NBAS: variants seen among roughly 807,000 people sequenced by gnomAD.
NBAS encodes NBAS subunit of NRZ tethering complex.
NBAS carries 219 observed loss-of-function variants against 302.5 expected under a neutral mutation model. That is an observed-to-expected ratio of 0.72 (90% CI 0.65 to 0.81). The LOEUF (loss-of-function observed/expected upper bound fraction) is 0.81. Among genes scored for constraint, NBAS ranks in the 30% least tolerant of loss-of-function variants. The probability of loss-of-function intolerance (pLI) is 0.00; values close to 1 mark genes in which losing one functional copy is unlikely to be tolerated. For synonymous variants in NBAS, 1,118 were observed against 1,021.6 expected, an observed-to-expected ratio of 1.09 and a Z score of -1.80; for missense variants, 2,932 against 2,841.6, an observed-to-expected ratio of 1.03 and a Z score of -0.72.
intron 26 of NBAS, among the ~76,000 whole-genome samples, chr2:15,398,242 C>G (rs146699095): frequency 6.6e-6 from 1 of 152,182 alleles, no homozygotes; most frequent in East Asian, 1.9e-4. Context: ...GTCCTGGGCT[C>G]AAGCGATCCT....
chr2:14,858,755 C>T, the NBAS span, among the ~76,000 whole-genome samples: 1 of 151,904 alleles, frequency 6.6e-6, no homozygotes, highest in Admixed American at 6.6e-5. Flanking sequence ...CTAGTACTTG[C>T]TAGCACAACA....
the NBAS span, among the ~76,000 whole-genome samples, chr2:14,935,548 A>C: frequency 6.6e-6 from 1 of 152,112 alleles, no homozygotes; most frequent in Non-Finnish European, 1.5e-5. Flanking sequence ...GTACTTATGA[A>C]AGCAGGTTAA....
At chr2:15,561,166 G>A (rs762574312) in intron 1 of NBAS, 22 bp downstream of exon 1, 1 of 1,606,550 alleles carries the variant, frequency 6.2e-7, no homozygotes, top group South Asian at 1.1e-5. Context: ...GCTGGCTGCT[G>A]CTGTAGATGG....
chr2:15,227,322 A>G (rs764361132), intron 47 of NBAS, among the ~76,000 whole-genome samples: 52 of 152,308 alleles, frequency 3.4e-4, no homozygotes, highest in Non-Finnish European at 3.1e-4. Context: ...TCTACAATGA[A>G]AACTATAAAA....
the NBAS span, among the ~76,000 whole-genome samples, chr2:14,846,347 AAAG>A: frequency 6.6e-6 from 1 of 152,098 alleles, no homozygotes; most frequent in East Asian, 1.9e-4. Context: ...CTTCAAATAT[AAAG>A]AAGTAGTGAA....
chr2:15,492,759 T>A (rs1680914394), intron 11 of NBAS, among the ~76,000 whole-genome samples: 1 of 152,078 alleles, frequency 6.6e-6, no homozygotes, highest in Non-Finnish European at 1.5e-5. Flanking sequence ...CTGCACCTGG[T>A]CCGTAGAAAC....
intron 15 of NBAS, 79 bp downstream of exon 15, chr2:15,473,988 T>A: frequency 6.4e-7 from 1 of 1,568,864 alleles, no homozygotes; most frequent in Non-Finnish European, 8.7e-7. Flanking sequence ...TTTTCTCCTT[T>A]ATTAAAAAAT....
chr2:14,797,855 G>C, the NBAS span, among the ~76,000 whole-genome samples: 1 of 152,156 alleles, frequency 6.6e-6, no homozygotes, highest in East Asian at 1.9e-4. Context: ...TGGTGAAGTA[G>C]CACCCGAAAA....
At chr2:15,376,686 T>C (rs919025977) in intron 30 of NBAS, among the ~76,000 whole-genome samples, 1 of 152,154 alleles carries the variant, frequency 6.6e-6, no homozygotes, top group African/African-American at 2.4e-5. Flanking sequence ...GGAAAATGAA[T>C]CTCTCCAATA....
At chr2:15,504,947 TTC>T (rs1356369864) in intron 10 of NBAS, among the ~76,000 whole-genome samples, 1 of 152,192 alleles carries the variant, frequency 6.6e-6, no homozygotes, top group Non-Finnish European at 1.5e-5. Flanking sequence ...TAGCCAGAAC[TTC>T]TGAGTTGAAA....
intron 11 of NBAS, among the ~76,000 whole-genome samples, chr2:15,493,683 A>G (rs1281519234): frequency 6.6e-6 from 1 of 152,048 alleles, no homozygotes; most frequent in Non-Finnish European, 1.5e-5. Context: ...AAAAAAAAAA[A>G]AAAGGTAAAC....
the NBAS span, among the ~76,000 whole-genome samples, chr2:15,067,404 G>A: frequency 1.3e-5 from 1 of 76,530 alleles, no homozygotes; most frequent in Non-Finnish European, 2.5e-5. Flanking sequence ...GGAGGGGAGG[G>A]GAGGGGAGGG....
intron 49 of NBAS, among the ~76,000 whole-genome samples, chr2:15,187,574 G>A (rs1461545015): frequency 6.6e-6 from 1 of 152,062 alleles, no homozygotes; most frequent in Non-Finnish European, 1.5e-5. Flanking sequence ...AAAAAAGTTT[G>A]CCGTTTCTTT....
At chr2:15,234,480 A>G (rs1362015038) in intron 46 of NBAS, 65 bp downstream of exon 46, 7 of 1,509,720 alleles carry the variant, frequency 4.6e-6, no homozygotes, top group Non-Finnish European at 6.4e-6. Context: ...ACAGGATGAC[A>G]GTTTAGCACC....
intron 47 of NBAS, among the ~76,000 whole-genome samples, chr2:15,228,846 C>T (rs1228203944): frequency 1.3e-5 from 2 of 151,970 alleles, no homozygotes; most frequent in Admixed American, 1.3e-4. Flanking sequence ...TAGGAGAGGA[C>T]GGTCAATAGG....
At chr2:15,305,760 A>G (rs1055724273) in intron 40 of NBAS, among the ~76,000 whole-genome samples, 2 of 152,124 alleles carry the variant, frequency 1.3e-5, no homozygotes, top group African/African-American at 2.4e-5. Context: ...GAAGTTCTTT[A>G]TGGCAGTATG....
intron 46 of NBAS, 151 bp from the exon 47 acceptor site, chr2:15,232,662 T>C: frequency 1.4e-6 from 1 of 700,464 alleles, no homozygotes; most frequent in Non-Finnish European, 2.5e-6. Flanking sequence ...TCTACAAATG[T>C]ACGAAGCCCT....
chr2:15,232,650 T>C (rs1188299651), intron 46 of NBAS, 139 bp from the exon 47 acceptor site: 2 of 735,150 alleles, frequency 2.7e-6, no homozygotes, highest in Admixed American at 2.1e-5. Flanking sequence ...TGCTATGTGA[T>C]GTCTACAAAT....
chr2:15,081,651 G>A, the NBAS span, among the ~76,000 whole-genome samples: 1 of 152,150 alleles, frequency 6.6e-6, no homozygotes, highest in Non-Finnish European at 1.5e-5. Flanking sequence ...AGATGCCCCA[G>A]CGTCCCAGGA....
Sources: allele counts gnomAD v4.1 joint callset (sites outside exome capture counted in the v4.1 genomes callset), GRCh38; gene constraint gnomAD v4.1.1; transcripts MANE v1.5; gene names NCBI Gene and HGNC (gene_info 2026-07-23, HGNC 2026-07-21).